Variants in INPP5A observed in about 807,000 individuals in gnomAD.
INPP5A encodes 43 kDa inositol polyphosphate 5-phophatase.
Under a neutral mutation model 65.2 loss-of-function variants are expected in INPP5A, and 14 were observed. The observed-to-expected ratio is 0.21, with a 90% CI of 0.14 to 0.34. The LOEUF is 0.34. Ranked by LOEUF, INPP5A falls within the 10% of genes least tolerant of loss-of-function variation. The pLI is 1.00. For missense variants in INPP5A, 431 were observed against 545.6 expected (o/e 0.79, Z 2.09); for synonymous variants, 207 against 208.3 (o/e 0.99, Z 0.05).
At chr10:132,752,687 G>C (rs1318664481) in intron 11 of INPP5A, among the ~76,000 whole-genome samples, 8 of 139,108 alleles carry the variant, frequency 5.8e-5, no homozygotes, top group African/African-American at 2.1e-4. Flanking sequence ...GAGGGGGTGC[G>C]GCATGGAGGG....
In INPP5A at chr10:132,538,874, G is replaced by A. The variant is rs2133236115; in HGVS notation, c.75+703G>A. The stretch of plus-strand genomic sequence containing the variant: ...CTAGAATCCCAGCCTTCATACTGTG[G>A]CCCTTTGCCTCTAAAGCCAATCTAG... On this transcript the variant is annotated intron_variant, in intron 1 of 15. Transcript: ENST00000368594. This position sits in a 1 kb window ranked among gnomAD's most constrained non-coding sequence, Gnocchi z 4.1. Among the ~76,000 whole-genome samples, 1 of 152,196 alleles carries A rather than the reference G, an allele frequency of 6.6e-6. No homozygotes were observed. The highest frequency in any genetic ancestry group is 2.1e-4 in the South Asian group (1 of 4,820).
intron 2 of INPP5A, among the ~76,000 whole-genome samples, chr10:132,626,244 C>G (rs1163596683): frequency 6.6e-6 from 1 of 152,252 alleles, no homozygotes; most frequent in African/African-American, 2.4e-5. Flanking sequence ...GCTCCCCACT[C>G]TCCCCTTGGT....
At chr10:132,689,336 G>A (rs11146465) in intron 4 of INPP5A, among the ~76,000 whole-genome samples, 2,752 of 152,250 alleles carry the variant, frequency 0.018, 79 homozygotes, top group African/African-American at 0.061. Flanking sequence ...AGCTGCGCCC[G>A]TGTGCCCTCC....
In INPP5A at chr10:132,712,628, G is replaced by A. The variant is rs573142565; in HGVS notation, c.647+2172G>A. 2.0e-5 allele frequency among the ~76,000 whole-genome samples: 3 copies of A among 151,530 alleles called. No homozygotes were observed. In the East Asian group the frequency reaches 5.8e-4, roughly 29 times the overall value. On this transcript the variant is annotated intron_variant, in intron 8 of 15. Coordinates refer to ENST00000368594, the MANE Select transcript of INPP5A (RefSeq NM_005539.5). Reference sequence around the variant, plus strand: ...GGTGTGTGGGTGCATGTGTGTGTGGGTATATGCATGTGTGGGTGCATGTGA... The same window carrying A: ...GGTGTGTGGGTGCATGTGTGTGTGGATATATGCATGTGTGGGTGCATGTGA...
In INPP5A at chr10:132,548,170, G is replaced by A. The variant is rs572104578; in HGVS notation, c.75+9999G>A. Reference sequence around the variant, plus strand: ...GCCCGCATTATAGGTGTGAGCCATCGTGCCCGGCCATGGTGTCTTTATTCG... The same window carrying A: ...GCCCGCATTATAGGTGTGAGCCATCATGCCCGGCCATGGTGTCTTTATTCG... On this transcript the variant is annotated intron_variant, in intron 1 of 15. Transcript: ENST00000368594. 5.8e-4 allele frequency among the ~76,000 whole-genome samples: 89 copies of A among 152,200 alleles called. No homozygotes were observed. In the South Asian group the frequency reaches 6.2e-3, roughly 11 times the overall value.
chr10:132,606,139 G>A (rs2071845794), intron 1 of INPP5A, among the ~76,000 whole-genome samples: 3 of 152,192 alleles, frequency 2.0e-5, no homozygotes, highest in South Asian at 2.1e-4. Flanking sequence ...TGCTGGGCAC[G>A]CAGCTGCAGC....
chr10:132,591,725 C>T (rs2071622642), intron 1 of INPP5A, among the ~76,000 whole-genome samples: 1 of 152,198 alleles, frequency 6.6e-6, no homozygotes, highest in African/African-American at 2.4e-5. Flanking sequence ...TTTCTGCCTG[C>T]TTCTCTGCCC....
chr10:132,617,284 C>T (rs770327399), intron 2 of INPP5A, among the ~76,000 whole-genome samples: 19 of 152,186 alleles, frequency 1.2e-4, no homozygotes, highest in Non-Finnish European at 2.2e-4. Context: ...TTCAGAGCTC[C>T]TGTGCAGTGT....
rs1470325031 is a variant in INPP5A, at chr10:132,554,857, A to G, written c.75+16686A>G. On this transcript the variant is annotated intron_variant, in intron 1 of 15. Coordinates refer to ENST00000368594, the MANE Select transcript of INPP5A (RefSeq NM_005539.5). ...ATGATCGGTGTGGGTGGTGTGATCA[A>G]TGTGGGTGGTGTGGTTGGCATTGAT... Among the ~76,000 whole-genome samples, 44 of 113,826 alleles carry G rather than the reference A, an allele frequency of 3.9e-4. No individual in the cohort carries two copies. The Middle Eastern group carries it at 0.022, about 56-fold the overall frequency. The allele number at this position is 113,826 out of a possible 152,430, so 74.7% of individuals were successfully genotyped here.
chr10:132,645,791 G>A (rs2072485400), intron 2 of INPP5A, 77 bp from the exon 3 acceptor site: 3 of 1,118,162 alleles, frequency 2.7e-6, no homozygotes, highest in Admixed American at 2.0e-5. Flanking sequence ...GGCTGTGGGG[G>A]CGGTGGAGGG....
At chr10:132,736,389 G>A (rs1457567435) in intron 9 of INPP5A, among the ~76,000 whole-genome samples, 1 of 152,224 alleles carries the variant, frequency 6.6e-6, no homozygotes, top group Non-Finnish European at 1.5e-5. Context: ...GAGGCTGGTG[G>A]CCATTTTTAA....
rs778135953 is a variant in INPP5A, at chr10:132,697,855, C to T, written c.410C>T (p.Ser137Leu). The T allele has an allele frequency of 3.1e-6, 5 of 1,613,738 alleles. No homozygotes were observed. Among genetic ancestry groups the T allele is most frequent in the Non-Finnish European group, 4.2e-6 (5 of 1,179,802 alleles). ...YRKVAGKEIY[S>L]DTLESTPMLE... is the part of the protein sequence containing the mutation. Reference sequence around the variant, plus strand: ...AAGGTCGCTGGCAAAGAGATCTACTCGGATACCTTAGAGAGCACGCCCATG... The same window carrying T: ...AAGGTCGCTGGCAAAGAGATCTACTTGGATACCTTAGAGAGCACGCCCATG... Residue 137 changes from serine to leucine, a missense_variant, in exon 6 of 16, where the codon TCG (serine) becomes TTG (leucine). By Grantham distance (145) the Ser-to-Leu change is moderately radical. Transcript: ENST00000368594. The surrounding 1 kb of genome is among the most constrained non-coding windows in gnomAD (Gnocchi z 5.6).
chr10:132,616,352 G>A lies in INPP5A; in HGVS notation c.117+8396G>A, dbSNP rs2072033269. 6.6e-6 allele frequency among the ~76,000 whole-genome samples: 1 copy of A among 152,132 alleles called. No homozygotes were observed. The highest frequency in any genetic ancestry group is 6.5e-5 in the Admixed American group (1 of 15,288). On this transcript the variant is annotated intron_variant, in intron 2 of 15. Transcript: ENST00000368594. The surrounding 1 kb of genome is among the most constrained non-coding windows in gnomAD (Gnocchi z 4.9). ...CAGGGACGCCGTGGGCGTGGTGTGGGGCACGTGGCGTGCGGGGACGCCGTG... is the reference window on the plus strand; with the variant it reads ...CAGGGACGCCGTGGGCGTGGTGTGGAGCACGTGGCGTGCGGGGACGCCGTG...
At chr10:132,777,845 C>A in intron 13 of INPP5A, 63 bp downstream of exon 13, 1 of 1,581,546 alleles carries the variant, frequency 6.3e-7, no homozygotes. Context: ...CTGGTCTGGC[C>A]CAGCCCTGGT....
chr10:132,566,399 G>T (rs1436856130), intron 1 of INPP5A, among the ~76,000 whole-genome samples: 6 of 152,126 alleles, frequency 3.9e-5, no homozygotes, highest in African/African-American at 1.4e-4. Context: ...GAAAATGCAG[G>T]GATACGGAGG....
rs913881022 is a variant in INPP5A at position 132,587,995 on chromosome 10, A to G, written c.76-19920A>G. Among the ~76,000 whole-genome samples the G allele has an allele frequency of 1.9e-4, 29 of 149,596 alleles. No individual in the cohort carries two copies. The highest frequency in any genetic ancestry group is 3.4e-4 in the Non-Finnish European group (23 of 67,302). ...CCATTGCCCTCCAGCCTGGGCAACAAGAGTAAAACTCCATCTCAAAAAAAA... is the reference window on the plus strand; with the variant it reads ...CCATTGCCCTCCAGCCTGGGCAACAGGAGTAAAACTCCATCTCAAAAAAAA... On this transcript the variant is annotated intron_variant, in intron 1 of 15. Coordinates refer to ENST00000368594, the MANE Select transcript of INPP5A (RefSeq NM_005539.5). The surrounding 1 kb of genome is among the most constrained non-coding windows in gnomAD (Gnocchi z 4.3).
intron 4 of INPP5A, among the ~76,000 whole-genome samples, chr10:132,686,472 T>C (rs1251537221): frequency 6.6e-6 from 1 of 152,240 alleles, no homozygotes; most frequent in Non-Finnish European, 1.5e-5. Context: ...AGCTGGGGAC[T>C]TCCTGTCGGC....
intron 8 of INPP5A, among the ~76,000 whole-genome samples, chr10:132,721,000 A>G (rs370321838): frequency 2.5e-3 from 185 of 75,300 alleles, no homozygotes; most frequent in Middle Eastern, 0.014. Flanking sequence ...CTGTCTGGGC[A>G]CCTTAGACGA....
chr10:132,744,659 C>T (rs1425316828), intron 9 of INPP5A, among the ~76,000 whole-genome samples: 3 of 152,178 alleles, frequency 2.0e-5, no homozygotes, highest in African/African-American at 4.8e-5. Context: ...TCGGGGGCAA[C>T]GTTGGCTTTG....
Sources: allele counts gnomAD v4.1 joint callset (sites outside exome capture counted in the v4.1 genomes callset), GRCh38; gene constraint gnomAD v4.1.1; non-coding constraint Gnocchi (gnomAD v3.1); transcripts MANE v1.5; gene names NCBI Gene and HGNC (gene_info 2026-07-23, HGNC 2026-07-21).